Variants in HSPA14 observed in about 807,000 individuals in gnomAD.
HSPA14 encodes the protein heat shock protein family A (Hsp70) member 14.
A neutral mutation model predicts 65.5 loss-of-function variants in HSPA14; 37 were observed. The ratio of observed to expected loss-of-function variants is 0.56; its 90% CI spans 0.43 to 0.74. The LOEUF (loss-of-function observed/expected upper bound fraction) is 0.74, where lower values mean the gene tolerates loss of function less well. Among genes scored for constraint, HSPA14 ranks in the 30% least tolerant of loss-of-function variants. The pLI, the probability that HSPA14 is intolerant of heterozygous loss-of-function variation, is 0.00. For synonymous variants in HSPA14, 203 were observed against 214.2 expected (o/e 0.95, Z 0.46); for missense variants, 564 against 607.6 (o/e 0.93, Z 0.75).
At chr10:14,845,910 A>AT (rs922965859) in intron 3 of HSPA14, 2,139 of 557,506 alleles carry the variant, frequency 3.8e-3, no homozygotes, top group Non-Finnish European at 4.2e-3. Context: ...TTTGTATTAG[A>AT]TTTTTTTTTT....
At chr10:14,843,575 G>T in intron 3 of HSPA14, 1 of 1,550,648 alleles carries the variant, frequency 6.4e-7, no homozygotes, top group Non-Finnish European at 8.7e-7. Flanking sequence ...GTTTCTGGTG[G>T]GGATAGGCCC....
chr10:14,852,824 G>C (rs151024363), intron 8 of HSPA14, among the ~76,000 whole-genome samples: 4 of 152,298 alleles, frequency 2.6e-5, no homozygotes, highest in African/African-American at 4.8e-5. Context: ...GTGCTCTTCT[G>C]TCTGGTTAAA....
intron 9 of HSPA14, among the ~76,000 whole-genome samples, chr10:14,854,549 T>C (rs56177414): frequency 0.062 from 9,464 of 152,186 alleles, 441 homozygotes; most frequent in South Asian, 0.21. Context: ...ATCCTACAAG[T>C]GATAAAGTAC....
At chr10:14,843,671 G>A in intron 3 of HSPA14, 1 of 1,547,276 alleles carries the variant, frequency 6.5e-7, no homozygotes. Context: ...GCAGAAAACA[G>A]GCGATTGGCA....
chr10:14,838,432 C>T lies in HSPA14; in HGVS notation c.30C>T (p.Cys10=). 6.2e-7 allele frequency: 1 copy of T among 1,606,552 alleles called. No homozygotes were observed. Among genetic ancestry groups the T allele is most frequent in the Non-Finnish European group, 8.5e-7 (1 of 1,178,504 alleles). Residue 10 remains cysteine, a synonymous_variant, in exon 1 of 14, where the codon TGC becomes TGT. Transcript: ENST00000378372. The stretch of plus-strand genomic sequence containing the variant: ...CGGCCATCGGAGTTCACCTGGGCTG[C>T]ACCTCAGCCTGTGTGGCCGTCTATA... MAAIGVHLG[C]TSACVAVYKD...
At chr10:14,854,373 T>C in intron 9 of HSPA14, 93 bp downstream of exon 9, 2 of 1,070,082 alleles carry the variant, frequency 1.9e-6, no homozygotes, top group Non-Finnish European at 2.7e-6. Context: ...TGTTTGTTTG[T>C]TTGAGATTTA....
At position 14,839,966 on chromosome 10, in the gene HSPA14, C is replaced by A. The variant is rs747456551; in HGVS notation, c.119C>A (p.Ala40Asp). 5.0e-6 allele frequency: 8 copies of A among 1,611,408 alleles called. No individual in the cohort carries two copies. The African/African-American group carries it at 1.1e-4, about 22-fold the overall frequency. The change falls in exon 2 of 14, where the codon GCT (alanine) becomes GAT (aspartate). Residue 40 changes from alanine to aspartate, a missense_variant. Coordinates refer to ENST00000378372, the MANE Select transcript of HSPA14 (RefSeq NM_016299.4). ...GACCGAGTTACTCCAGCTGTTGTTG[C>A]TTACTCAGAAAATGAAGAGGTACTA... ...AGDRVTPAVVAYSENEEIVGL... is the reference protein window; with the variant it reads ...AGDRVTPAVVDYSENEEIVGL...
chr10:14,871,457 T>G, intron 13 of HSPA14, 71 bp from the exon 14 acceptor site: 2 of 872,576 alleles, frequency 2.3e-6, no homozygotes, highest in East Asian at 5.0e-5. Flanking sequence ...AGCCCTCAAG[T>G]AACTTGTTAC....
chr10:14,857,342 C>G (rs1588815219), intron 10 of HSPA14, among the ~76,000 whole-genome samples: 1 of 152,052 alleles, frequency 6.6e-6, no homozygotes, highest in Non-Finnish European at 1.5e-5. Flanking sequence ...CTATTTTTAC[C>G]TCAAGTTACT....
At chr10:14,845,981 G>A (rs1834045674) in intron 3 of HSPA14, 5 of 933,086 alleles carry the variant, frequency 5.4e-6, no homozygotes, top group South Asian at 9.9e-5. Flanking sequence ...AAATGAAAAC[G>A]AAATTTTAAT....
intron 6 of HSPA14, chr10:14,850,641 G>A (rs1423969766): frequency 6.6e-6 from 1 of 152,216 alleles, no homozygotes; most frequent in Non-Finnish European, 1.5e-5. Flanking sequence ...CTAGATTAAA[G>A]AAATTGGAAA....
rs926941395 is a variant in HSPA14 at position 14,843,298 on chromosome 10, A to G, written c.221+3141A>G. On this transcript the variant is annotated intron_variant, in intron 3 of 13. Transcript: ENST00000378372. ...CAACCATAGTTTTATAATTTGTCTC[A>G]GCTCTGCTGCTGGCTCCAAGCATTC... is the stretch of plus-strand genomic sequence containing the variant. 8 of 1,529,728 alleles carry G rather than the reference A, an allele frequency of 5.2e-6. No homozygotes were observed. The Admixed American group carries it at 1.6e-4, about 30-fold the overall frequency. The allele number at this position is 1,529,728 out of a possible 1,614,324, so 94.8% of individuals were successfully genotyped here. A position where few individuals can be genotyped will look rare whatever the true frequency, so the allele number is the denominator to read the frequency against.
intron 4 of HSPA14, 34 bp from the exon 5 acceptor site, chr10:14,848,756 T>C (rs1394029694): frequency 6.9e-7 from 1 of 1,439,870 alleles, no homozygotes; most frequent in Non-Finnish European, 9.6e-7. Flanking sequence ...TATTAAAAAT[T>C]ATTTATTTAG....
intron 10 of HSPA14, among the ~76,000 whole-genome samples, chr10:14,863,875 G>T (rs942986653): frequency 1.3e-5 from 2 of 152,080 alleles, no homozygotes; most frequent in Non-Finnish European, 2.9e-5. Context: ...GGTGGGCCCT[G>T]ATCTGATAGA....
intron 6 of HSPA14, 24 bp from the exon 7 acceptor site, chr10:14,851,195 T>G: frequency 1.6e-6 from 2 of 1,290,316 alleles, no homozygotes; most frequent in Non-Finnish European, 2.2e-6. Flanking sequence ...TAAATTAAAT[T>G]CATTGAAAGC....
At position 14,844,663 on chromosome 10, in the gene HSPA14, G is replaced by A. The variant is rs986384479; in HGVS notation, c.222-3946G>A. On this transcript the variant is annotated intron_variant, in intron 3 of 13. Transcript: ENST00000378372. ...AGAAGTGCCAGGGAGCCGCCATTGT[G>A]TGTTACGGTTTATATCGATAATCTT... The A allele has an allele frequency of 5.1e-6, 5 of 980,868 alleles. No homozygotes were observed. In the African/African-American group the frequency reaches 8.8e-5, roughly 17 times the overall value. 60.8% of individuals were successfully genotyped at this position (980,868 alleles called of 1,614,324 possible).
intron 10 of HSPA14, among the ~76,000 whole-genome samples, chr10:14,858,884 G>C (rs574232265): frequency 6.6e-6 from 1 of 152,332 alleles, no homozygotes; most frequent in Admixed American, 6.5e-5. Flanking sequence ...GCACTTACAT[G>C]ATGAGGCAAG....
Position 14,842,677 on chromosome 10 carries a change from A to G in HSPA14, c.221+2520A>G. On this transcript the variant is annotated intron_variant, in intron 3 of 13. Coordinates refer to ENST00000378372, the MANE Select transcript of HSPA14 (RefSeq NM_016299.4). The surrounding 1 kb of genome is among the most constrained non-coding windows in gnomAD (Gnocchi z 5.2). ...AGAACTTAGTGGCCTCTGACGCCCC[A>G]GGGGAAGAGGGAACCGGCATTCTAA... 1.3e-6 allele frequency: 2 copies of G among 1,536,316 alleles called. No individual in the cohort carries two copies. Among genetic ancestry groups the G allele is most frequent in the Non-Finnish European group, 1.7e-6 (2 of 1,146,966 alleles).
At chr10:14,848,968 G>A in intron 5 of HSPA14, 73 bp downstream of exon 5, 1 of 801,850 alleles carries the variant, frequency 1.2e-6, no homozygotes. Flanking sequence ...AAAAGTTAGA[G>A]GTATTTTTAG....
Sources: allele counts gnomAD v4.1 joint callset (sites outside exome capture counted in the v4.1 genomes callset), GRCh38; gene constraint gnomAD v4.1.1; non-coding constraint Gnocchi (gnomAD v3.1); transcripts MANE v1.5; gene names NCBI Gene and HGNC (gene_info 2026-07-23, HGNC 2026-07-21).